The following GREB1L variants were observed in gnomAD, a reference collection of about 807,000 sequenced individuals.
The protein encoded by GREB1L is GREB1-like protein.
A neutral mutation model predicts 200.8 loss-of-function variants in GREB1L; 17 were observed. The ratio of observed to expected loss-of-function variants is 0.08; its 90% confidence interval spans 0.06 to 0.13. GREB1L has a LOEUF of 0.13. Among genes scored for constraint, GREB1L ranks in the 10% least tolerant of loss-of-function variants. The probability of loss-of-function intolerance (pLI) is 1.00; values close to 1 mark genes in which losing one functional copy is unlikely to be tolerated. For synonymous variants in GREB1L, 789 were observed against 893.0 expected, an observed-to-expected ratio of 0.88 and a Z score of 2.08; for missense variants, 1,657 against 2,367.7, an observed-to-expected ratio of 0.70 and a Z score of 6.23.
chr18:21,350,271 A>G (rs994155327), intron 1 of GREB1L, among the ~76,000 whole-genome samples: 4 of 143,972 alleles, frequency 2.8e-5, no homozygotes, highest in Admixed American at 7.1e-5. Context: ...AGAGTCTTAC[A>G]CTGTTGCCCA....
At chr18:21,471,779 C>T (rs2035494945) in intron 15 of GREB1L, among the ~76,000 whole-genome samples, 1 of 152,130 alleles carries the variant, frequency 6.6e-6, no homozygotes, top group Non-Finnish European at 1.5e-5. Context: ...CGCCACCACA[C>T]CCAGCTAATG....
At chr18:21,440,021 A>G (rs1213052490) in intron 8 of GREB1L, among the ~76,000 whole-genome samples, 1 of 152,222 alleles carries the variant, frequency 6.6e-6, no homozygotes, top group Non-Finnish European at 1.5e-5. Context: ...GGTAGAATCA[A>G]ATGAAATAAC....
chr18:21,381,606 T>C (rs2040316185), intron 2 of GREB1L, among the ~76,000 whole-genome samples: 2 of 152,218 alleles, frequency 1.3e-5, no homozygotes, highest in Admixed American at 6.5e-5. Context: ...GCTTATGTGC[T>C]TCTGCATTCA....
chr18:21,433,487 C>T (rs1465824851), intron 7 of GREB1L, among the ~76,000 whole-genome samples: 4 of 152,152 alleles, frequency 2.6e-5, no homozygotes, highest in South Asian at 2.1e-4. Flanking sequence ...AAACTTAACT[C>T]GGATTCTTGT....
At chr18:21,342,600 G>T (rs1375107724) in intron 1 of GREB1L, among the ~76,000 whole-genome samples, 1 of 152,116 alleles carries the variant, frequency 6.6e-6, no homozygotes, top group Admixed American at 6.6e-5. Context: ...GACGCTCACT[G>T]CTTCCTTTGG....
At chr18:21,484,196 G>A (rs1386289527) in intron 17 of GREB1L, among the ~76,000 whole-genome samples, 6 of 140,884 alleles carry the variant, frequency 4.3e-5, no homozygotes, top group Non-Finnish European at 9.2e-5. Flanking sequence ...TTTTTTTTGA[G>A]ATGGAGTTTC....
At chr18:21,456,931 T>C (rs2034792214) in intron 15 of GREB1L, among the ~76,000 whole-genome samples, 3 of 152,200 alleles carry the variant, frequency 2.0e-5, no homozygotes, top group Admixed American at 2.0e-4. Context: ...AAGGGCCTTG[T>C]CTTTTAAGTA....
intron 7 of GREB1L, among the ~76,000 whole-genome samples, chr18:21,433,171 C>T (rs1368635846): frequency 2.0e-5 from 3 of 152,246 alleles, no homozygotes; most frequent in African/African-American, 4.8e-5. Context: ...AATATTATGA[C>T]GTTTTCTTCA....
At chr18:21,461,471 C>T (rs1400305791) in intron 15 of GREB1L, among the ~76,000 whole-genome samples, 1 of 152,170 alleles carries the variant, frequency 6.6e-6, no homozygotes, top group African/African-American at 2.4e-5. Flanking sequence ...CCAGTCACTC[C>T]CCGACACCTG....
chr18:21,310,277 G>A (rs929577382), intron 1 of GREB1L, among the ~76,000 whole-genome samples: 6 of 152,122 alleles, frequency 3.9e-5, no homozygotes, highest in Admixed American at 3.9e-4. Context: ...CAAGGTAAGT[G>A]TATCTTCAAG....
chr18:21,365,416 T>C (rs758579790), intron 1 of GREB1L, among the ~76,000 whole-genome samples: 1 of 152,182 alleles, frequency 6.6e-6, no homozygotes. Flanking sequence ...AGAGGAGAGA[T>C]GAACATGCAT....
chr18:21,477,108 A>C (rs1230776405), intron 16 of GREB1L, 56 bp from the exon 17 acceptor site: 2 of 1,185,340 alleles, frequency 1.7e-6, no homozygotes, highest in Non-Finnish European at 2.4e-6. Flanking sequence ...TTAGTGTCTG[A>C]TTCTATATCT....
chr18:21,504,387 C>G (rs1283682622), intron 23 of GREB1L, among the ~76,000 whole-genome samples: 1 of 152,182 alleles, frequency 6.6e-6, no homozygotes, highest in Non-Finnish European at 1.5e-5. Flanking sequence ...TTTTAAAACT[C>G]TAGCCAGGTG....
chr18:21,244,672 G>T (rs1200714879), intron 1 of GREB1L, among the ~76,000 whole-genome samples: 5 of 152,208 alleles, frequency 3.3e-5, no homozygotes, highest in Non-Finnish European at 7.3e-5. Flanking sequence ...TCATGAAGAG[G>T]AGGTTAGAGA....
At position 21,440,329 on chromosome 18, in the gene GREB1L, C is replaced by T; in HGVS notation, c.1010C>T (p.Pro337Leu). 1.3e-6 allele frequency: 2 copies of T among 1,551,510 alleles called. No homozygotes were observed. The highest frequency in any genetic ancestry group is 1.7e-6 in the Non-Finnish European group (2 of 1,146,636). The change falls in exon 9 of 33, where the codon CCT becomes CTT. Residue 337 changes from proline (P) to leucine (L), a missense_variant. Pro to Leu is a moderately conservative substitution (Grantham distance 98). Coordinates refer to ENST00000424526, the MANE Select transcript of GREB1L (RefSeq NM_001142966.3). ...KRHRGWYPGS[P>L]LPQPGLVVPV... The stretch of plus-strand genomic sequence containing the variant: ...CACCGGGGATGGTATCCTGGGTCAC[C>T]TCTCCCCCAACCTGGCTTAGTTGTA...
intron 18 of GREB1L, 129 bp from the exon 19 acceptor site, chr18:21,489,883 A>ACTT (rs1267727348): frequency 3.0e-6 from 2 of 672,452 alleles, no homozygotes; most frequent in African/African-American, 3.6e-5. Context: ...TCATTCTAGA[A>ACTT]CTAAAGCCCC....
At chr18:21,302,505 T>C (rs1224330945) in intron 1 of GREB1L, among the ~76,000 whole-genome samples, 1 of 152,130 alleles carries the variant, frequency 6.6e-6, no homozygotes, top group Non-Finnish European at 1.5e-5. Context: ...GAAAGCTGAT[T>C]GGTTAATATC....
intron 1 of GREB1L, among the ~76,000 whole-genome samples, chr18:21,361,927 A>T (rs1033527454): frequency 1.3e-5 from 2 of 152,200 alleles, no homozygotes; most frequent in African/African-American, 4.8e-5. Context: ...GTGTTGAATG[A>T]TGTGGTAGTT....
chr18:21,400,776 C>T (rs2041285819), intron 5 of GREB1L, among the ~76,000 whole-genome samples: 1 of 152,172 alleles, frequency 6.6e-6, no homozygotes. Context: ...GGTGAGGACG[C>T]AGGTTCTCTA....
Sources: allele counts gnomAD v4.1 joint callset (sites outside exome capture counted in the v4.1 genomes callset), GRCh38; gene constraint gnomAD v4.1.1; transcripts MANE v1.5; gene names NCBI Gene and HGNC (gene_info 2026-07-23, HGNC 2026-07-21).